Variants in NIPAL2 observed in about 807,000 individuals in gnomAD.
NIPAL2 encodes the protein NIPA-like protein 2.
Under a neutral mutation model 48.9 loss-of-function variants are expected in NIPAL2, and 43 were observed. That is an observed-to-expected ratio of 0.88 (90% CI 0.69 to 1.13). The LOEUF is 1.13. Among genes scored for constraint, NIPAL2 ranks in the 50% most tolerant of loss-of-function variants. The pLI, the probability that NIPAL2 is intolerant of heterozygous loss-of-function variation, is 0.00. For synonymous variants in NIPAL2, 167 were observed against 174.6 expected (o/e 0.96, Z 0.34); for missense variants, 446 against 461.4 (o/e 0.97, Z 0.31).
intron 1 of NIPAL2, among the ~76,000 whole-genome samples, chr8:98,256,679 G>A (rs1457151736): frequency 6.6e-6 from 1 of 152,012 alleles, no homozygotes; most frequent in Non-Finnish European, 1.5e-5. Context: ...GGAGAAACTG[G>A]AACACTTGTG....
At chr8:98,247,736 A>T (rs118143664) in intron 3 of NIPAL2, among the ~76,000 whole-genome samples, 3 of 152,346 alleles carry the variant, frequency 2.0e-5, no homozygotes, top group Non-Finnish European at 2.9e-5. Flanking sequence ...AAGAGAGCAG[A>T]GAGTAAGTCT....
chr8:98,205,680 G>A (rs1810999247), intron 6 of NIPAL2, among the ~76,000 whole-genome samples: 1 of 152,148 alleles, frequency 6.6e-6, no homozygotes, highest in Non-Finnish European at 1.5e-5. Context: ...AAGTAGATGA[G>A]AAGACTGGAA....
chr8:98,211,202 T>G (rs1811295577), intron 6 of NIPAL2, among the ~76,000 whole-genome samples: 1 of 152,222 alleles, frequency 6.6e-6, no homozygotes, highest in South Asian at 2.1e-4. Flanking sequence ...TTTTACTAGG[T>G]AAACGTATTC....
intron 1 of NIPAL2, among the ~76,000 whole-genome samples, chr8:98,262,534 G>A (rs1814419149): frequency 1.3e-5 from 2 of 151,378 alleles, no homozygotes; most frequent in Non-Finnish European, 3.0e-5. Flanking sequence ...GACAAAGAAG[G>A]CCATTACATA....
intron 1 of NIPAL2, among the ~76,000 whole-genome samples, chr8:98,266,797 A>T (rs1327425627): frequency 6.6e-6 from 1 of 152,172 alleles, no homozygotes; most frequent in African/African-American, 2.4e-5. Flanking sequence ...TAAAGAAAGA[A>T]AACAATACCA....
intron 5 of NIPAL2, among the ~76,000 whole-genome samples, chr8:98,215,841 G>GA (rs1358637823): frequency 6.6e-6 from 1 of 152,058 alleles, no homozygotes; most frequent in Admixed American, 6.6e-5. Context: ...AGCCTTGAAG[G>GA]AAAAATAGAC....
intron 3 of NIPAL2, among the ~76,000 whole-genome samples, chr8:98,242,458 A>G (rs1252288853): frequency 1.4e-5 from 2 of 147,036 alleles, no homozygotes; most frequent in Admixed American, 6.8e-5. Context: ...AAGTGCTGAG[A>G]TTACAGGCAA....
intron 3 of NIPAL2, among the ~76,000 whole-genome samples, chr8:98,239,614 T>C (rs528159294): frequency 9.2e-5 from 14 of 152,336 alleles, no homozygotes; most frequent in African/African-American, 3.4e-4. Context: ...TTCTGAAAGA[T>C]AATAGAAGTC....
chr8:98,202,994 A>G (rs941446758), intron 8 of NIPAL2, 114 bp downstream of exon 8: 1 of 766,134 alleles, frequency 1.3e-6, no homozygotes, highest in African/African-American at 1.8e-5. Flanking sequence ...TTCAGACACC[A>G]GGTGGAGGCA....
chr8:98,237,101 C>T (rs1390196186), intron 3 of NIPAL2, among the ~76,000 whole-genome samples: 2 of 151,904 alleles, frequency 1.3e-5, no homozygotes, highest in Admixed American at 1.3e-4. Context: ...TGCGCTGTTG[C>T]CCAGGCTGGA....
chr8:98,280,447 A>AT (rs1354663996), intron 1 of NIPAL2, among the ~76,000 whole-genome samples: 1 of 152,082 alleles, frequency 6.6e-6, no homozygotes, highest in Non-Finnish European at 1.5e-5. Flanking sequence ...AATAGTACAG[A>AT]TTGAGTGATT....
intron 5 of NIPAL2, among the ~76,000 whole-genome samples, chr8:98,214,288 C>A (rs1215181092): frequency 2.0e-5 from 3 of 151,926 alleles, no homozygotes; most frequent in African/African-American, 7.3e-5. Context: ...CTCAAACTTC[C>A]AAGTAGCTGG....
Position 98,203,098 on chromosome 8 carries a change from CA to C in NIPAL2, c.880+9del. Reference sequence around the variant, plus strand: ...TTGGAATCACCAATGTATAGAAAACCAAAACTCACCTGCAATGATGGCACTG... The same window carrying C: ...TTGGAATCACCAATGTATAGAAAACCAAACTCACCTGCAATGATGGCACTG... On this transcript the variant is annotated intron_variant, in intron 8 of 10. Transcript: ENST00000430223. 1.9e-6 allele frequency: 3 copies of C among 1,607,256 alleles called. No homozygotes were observed. The South Asian group carries it at 3.3e-5, about 18-fold the overall frequency.
rs1383831543 is a variant in NIPAL2 at position 98,191,628 on chromosome 8, A to G, written c.*1350T>C. 6.6e-6 allele frequency: 1 copy of G among 152,212 alleles called. No individual in the cohort carries two copies. Among genetic ancestry groups the G allele is most frequent in the African/African-American group, 2.4e-5 (1 of 41,454 alleles). The allele number at this position is 152,212 out of a possible 1,614,324, so 9.4% of individuals were successfully genotyped here. A position where few individuals can be genotyped will look rare whatever the true frequency, so the allele number is the denominator to read the frequency against. ...TATTGATTGGAATGATATTGGACAG[A>G]CATGTCAGAAGTGATCTGAAGGCTT... On this transcript the variant is annotated 3_prime_UTR_variant, in exon 11 of 11. Coordinates refer to ENST00000430223, the MANE Select transcript of NIPAL2 (RefSeq NM_001321635.2).
intron 4 of NIPAL2, among the ~76,000 whole-genome samples, chr8:98,230,840 G>T (rs1812405925): frequency 6.6e-6 from 1 of 152,196 alleles, no homozygotes; most frequent in African/African-American, 2.4e-5. Flanking sequence ...AGATATCCTG[G>T]TTCCCAAGCT....
intron 1 of NIPAL2, among the ~76,000 whole-genome samples, chr8:98,266,459 A>C (rs1814750063): frequency 6.6e-6 from 1 of 151,396 alleles, no homozygotes; most frequent in Middle Eastern, 3.4e-3. Flanking sequence ...AAAATTAGCC[A>C]GGCATAGCAG....
chr8:98,194,805 A>G lies in NIPAL2; in HGVS notation c.962T>C (p.Leu321Pro). ...IYLFGCFLSF[L>P]GVFLVTRNRE... ...ATTTCTTGTGACCAAAAATACACCA[A>G]GGAATGACAGAAAACACCTGTAAGG... Residue 321 changes from leucine to proline, a missense_variant, in exon 10 of 11, where the codon CTT (leucine) becomes CCT (proline). Leu to Pro is a moderately conservative substitution (Grantham distance 98). Transcript: ENST00000430223. 6.4e-7 allele frequency: 1 copy of G among 1,567,650 alleles called. No individual in the cohort carries two copies. The highest frequency in any genetic ancestry group is 8.6e-7 in the Non-Finnish European group (1 of 1,160,796).
intron 6 of NIPAL2, among the ~76,000 whole-genome samples, chr8:98,207,581 A>T (rs943897024): frequency 9.9e-5 from 15 of 152,188 alleles, no homozygotes; most frequent in Non-Finnish European, 1.8e-4. Context: ...TAATGAATTA[A>T]CTTGAAATTC....
chr8:98,210,946 A>G (rs372257440), intron 6 of NIPAL2, among the ~76,000 whole-genome samples: 67 of 152,346 alleles, frequency 4.4e-4, no homozygotes, highest in African/African-American at 1.4e-3. Flanking sequence ...GCAAGGGCCA[A>G]TCAGAAAGGG....
Sources: allele counts gnomAD v4.1 joint callset (sites outside exome capture counted in the v4.1 genomes callset), GRCh38; gene constraint gnomAD v4.1.1; transcripts MANE v1.5; gene names NCBI Gene and HGNC (gene_info 2026-07-23, HGNC 2026-07-21).